FUS: variants seen among roughly 807,000 people sequenced by gnomAD.
The protein encoded by FUS is FUS RNA binding protein, also known as RNA-binding protein FUS.
A neutral mutation model predicts 82.7 loss-of-function variants in FUS; 5 were observed. The ratio of observed to expected loss-of-function variants is 0.06; its 90% CI spans 0.03 to 0.13. The LOEUF (loss-of-function observed/expected upper bound fraction) is 0.13, where lower values mean the gene tolerates loss of function less well. Among genes scored for constraint, FUS ranks in the 10% least tolerant of loss-of-function variants. FUS has a pLI of 1.00. For missense variants in FUS, 512 were observed against 707.8 expected, an observed-to-expected ratio of 0.72 and a Z score of 3.14; for synonymous variants, 281 against 247.4, an observed-to-expected ratio of 1.14 and a Z score of -1.27.
At chr16:31,187,951 A>G (rs1479984407) in intron 7 of FUS, 3 of 325,160 alleles carry the variant, frequency 9.2e-6, no homozygotes, top group Non-Finnish European at 1.7e-5. Flanking sequence ...TGGCGAGCCC[A>G]TCTCTCTTCT....
At position 31,190,134 on chromosome 16, in the gene FUS, G is replaced by A; in HGVS notation, c.1161G>A (p.Gly387=). The A allele has an allele frequency of 6.2e-7, 1 of 1,614,094 alleles. No homozygotes were observed. Among genetic ancestry groups the A allele is most frequent in the Non-Finnish European group, 8.5e-7 (1 of 1,179,994 alleles). ...GTGGCAATGGTCGTGGAGGCCGAGG[G>A]CGAGGAGGTGAGGAGCTACCTGCTA... The part of the protein sequence containing the change: ...RGGGNGRGGR[G]RGGPMGRGGY... Residue 387 remains glycine (G), a synonymous_variant, in exon 11 of 15, where the codon GGG becomes GGA. Coordinates refer to ENST00000254108, the MANE Select transcript of FUS (RefSeq NM_004960.4).
At chr16:31,185,276 CTTG>C (rs1196549965) in intron 6 of FUS, 97 bp downstream of exon 6, 1 of 1,381,980 alleles carries the variant, frequency 7.2e-7, no homozygotes, top group African/African-American at 1.4e-5. Flanking sequence ...GTTTAGTATT[CTTG>C]TTGTCTAGGG....
At chr16:31,194,262 G>T (rs2144156049), downstream of FUS, 2 of 530,826 alleles carry the variant, frequency 3.8e-6, no homozygotes, top group South Asian at 3.1e-5. Flanking sequence ...CTACCTTTAG[G>T]CATGTCTTCC....
At chr16:31,186,715 G>T (rs2079275988) in intron 6 of FUS, 87 bp from the exon 7 acceptor site, 2 of 1,312,666 alleles carry the variant, frequency 1.5e-6, no homozygotes, top group Non-Finnish European at 2.2e-6. Flanking sequence ...ACCTACCCAT[G>T]TTTGGGGAAT....
intron 3 of FUS, chr16:31,183,291 CAA>C (rs1317729229): frequency 1.2e-5 from 2 of 165,984 alleles, no homozygotes; most frequent in South Asian, 1.4e-4. Flanking sequence ...AAAAAAAAAA[CAA>C]AAAACAAAAA....
rs68121698 is a variant in FUS at position 31,191,235 on chromosome 16, A to T, written c.1541+125A>T. ...GGAAAGACCTGAGGTTGTAACCAGT[A>T]GTGGAGAGGGAAGGAAAATTAACTC... On this transcript the variant is annotated intron_variant, in intron 14 of 14. Coordinates refer to ENST00000254108, the MANE Select transcript of FUS (RefSeq NM_004960.4). 8,000 of 1,477,556 alleles carry T rather than the reference A, an allele frequency of 5.4e-3. 137 individuals carry two copies. In the African/African-American group the frequency reaches 0.055, roughly 10 times the overall value. 91.5% of individuals were successfully genotyped at this position (1,477,556 alleles called of 1,614,324 possible). A position where few individuals can be genotyped will look rare whatever the true frequency, so the allele number is the denominator to read the frequency against.
intron 7 of FUS, chr16:31,187,639 T>C (rs1260350498): frequency 8.6e-6 from 2 of 232,354 alleles, no homozygotes; most frequent in Non-Finnish European, 1.7e-5. Flanking sequence ...ATGACTTAGG[T>C]GTCATTGCGT....
intron 5 of FUS, 140 bp downstream of exon 5, chr16:31,184,536 C>T (rs966990295): frequency 3.9e-5 from 34 of 877,080 alleles, no homozygotes; most frequent in Middle Eastern, 6.7e-4. Context: ...CTCCGCCTTC[C>T]GGGTTCGCGC....
intron 8 of FUS, chr16:31,188,797 T>G (rs577304936): frequency 6.4e-6 from 3 of 470,016 alleles, no homozygotes; most frequent in Non-Finnish European, 1.1e-5. Context: ...ATGGGTTTCT[T>G]ATTTAATTCG....
rs1423115670 is a variant in FUS at position 31,183,853 on chromosome 16, G to C, written c.191-5G>C. 1 of 1,614,008 alleles carries C rather than the reference G, an allele frequency of 6.2e-7. No homozygotes were observed. The highest frequency in any genetic ancestry group is 8.5e-7 in the Non-Finnish European group (1 of 1,180,006). On this transcript the variant is annotated splice_polypyrimidine_tract_variant and splice_region_variant and intron_variant, in intron 3 of 14. Coordinates refer to ENST00000254108, the MANE Select transcript of FUS (RefSeq NM_004960.4). ...TTTGTGACTCCCTTTTTCTTATCCTGGTAGCAGGCTATGGAACTCAGTCAA... is the reference window on the plus strand; with the variant it reads ...TTTGTGACTCCCTTTTTCTTATCCTCGTAGCAGGCTATGGAACTCAGTCAA...
Position 31,189,682 on chromosome 16 carries a change from A to T in FUS, c.954A>T (p.Gly318=), listed in dbSNP as rs774663066. ...IGIIKTNKKT[G]QPMINLYTDR... The stretch of plus-strand genomic sequence containing the variant: ...TTCTTCAGACAAACAAGAAAACGGG[A>T]CAGCCCATGATTAATTTGTACACAG... The change falls in exon 10 of 15, where the codon GGA becomes GGT. Residue 318 remains glycine, a synonymous_variant. Coordinates refer to ENST00000254108, the MANE Select transcript of FUS (RefSeq NM_004960.4). 15 of 1,614,204 alleles carry T rather than the reference A, an allele frequency of 9.3e-6. No homozygotes were observed. The highest frequency in any genetic ancestry group is 1.3e-5 in the Non-Finnish European group (15 of 1,180,042).
In FUS at chr16:31,184,438, CTTTTTTTTTTT is replaced by C. The variant is rs370126678; in HGVS notation, c.523+49_523+59del. On this transcript the variant is annotated intron_variant, in intron 5 of 14. Coordinates refer to ENST00000254108, the MANE Select transcript of FUS (RefSeq NM_004960.4). ...TTTGTCTGCAGCCCATTTTCTTTTTCTTTTTTTTTTTTTTTTTGAGACGGAGTCTTGCTCTG... is the reference window on the plus strand; with the variant it reads ...TTTGTCTGCAGCCCATTTTCTTTTTCTTTTTTGAGACGGAGTCTTGCTCTG... 1.2e-5 allele frequency: 14 copies of C among 1,212,428 alleles called. 1 individual carries two copies. Among genetic ancestry groups the C allele is most frequent in the South Asian group, 4.2e-5 (3 of 71,948 alleles). 75.1% of individuals were successfully genotyped at this position (1,212,428 alleles called of 1,614,324 possible).
Position 31,184,389 on chromosome 16 carries a change from A to G in FUS, c.516A>G (p.Gly172=). 2 of 1,485,590 alleles carry G rather than the reference A, an allele frequency of 1.3e-6. No individual in the cohort carries two copies. The highest frequency in any genetic ancestry group is 1.1e-5 in the South Asian group (1 of 88,804). The allele number at this position is 1,485,590 out of a possible 1,614,324, so 92.0% of individuals were successfully genotyped here. A position where few individuals can be genotyped will look rare whatever the true frequency, so the allele number is the denominator to read the frequency against. ...GCAGTGGTGGTGGAGGTGGAGGTGG[A>G]GGTGGAGGTGAGATGTCTTCAGCTT... ...NSSSGGGGGG[G]GGGNYGQDQS... Residue 172 remains glycine, a synonymous_variant, in exon 5 of 15, where the codon GGA becomes GGG. Transcript: ENST00000254108.
downstream of FUS, chr16:31,193,673 G>A: frequency 1.9e-6 from 1 of 532,140 alleles, no homozygotes; most frequent in Non-Finnish European, 3.6e-6. Flanking sequence ...CAGTTTGGGG[G>A]GATCTTCCAG....
At chr16:31,187,751 G>A (rs2079291666) in intron 7 of FUS, 1 of 235,824 alleles carries the variant, frequency 4.2e-6, no homozygotes, top group African/African-American at 2.2e-5. Context: ...AAGATTTCTG[G>A]TCTGTTCCCT....
At chr16:31,180,132 C>G (rs778510762), upstream of FUS, 18 of 1,559,140 alleles carry the variant, frequency 1.2e-5, no homozygotes, top group African/African-American at 1.4e-5. Flanking sequence ...ACGCAGGAGG[C>G]GGGGCTGCTC....
At chr16:31,184,664 C>T (rs192975693) in intron 5 of FUS, among the ~76,000 whole-genome samples, 191 of 152,034 alleles carry the variant, frequency 1.3e-3, no homozygotes, top group African/African-American at 4.3e-3. Flanking sequence ...AGGATGGTTT[C>T]GATCTCCTGA....
At chr16:31,193,046 G>C, downstream of FUS, 1 of 484,598 alleles carries the variant, frequency 2.1e-6, no homozygotes, top group Non-Finnish European at 4.1e-6. Context: ...TACCGCAACT[G>C]CCGCCTCCTG....
downstream of FUS, chr16:31,192,041 AG>A: frequency 1.9e-6 from 1 of 532,954 alleles, no homozygotes; most frequent in Non-Finnish European, 3.6e-6. Flanking sequence ...TTTCACAGGA[AG>A]GAGAGTAACT....
Sources: allele counts gnomAD v4.1 joint callset (sites outside exome capture counted in the v4.1 genomes callset), GRCh38; gene constraint gnomAD v4.1.1; transcripts MANE v1.5; gene names NCBI Gene and HGNC (gene_info 2026-07-23, HGNC 2026-07-21).